Variants in SGMS1 observed in about 807,000 individuals in gnomAD.
SGMS1 encodes phosphatidylcholine:ceramide cholinephosphotransferase 1.
SGMS1 carries 13 observed loss-of-function variants against 46.2 expected under a neutral mutation model. The ratio of observed to expected loss-of-function variants is 0.28; its 90% CI spans 0.18 to 0.45. The LOEUF is 0.45. Ranked by LOEUF, SGMS1 falls within the 20% of genes least tolerant of loss-of-function variation. The pLI, the probability that SGMS1 is intolerant of heterozygous loss-of-function variation, is 1.00. For synonymous variants in SGMS1, 203 were observed against 187.8 expected, an observed-to-expected ratio of 1.08 and a Z score of -0.66; for missense variants, 324 against 519.9, an observed-to-expected ratio of 0.62 and a Z score of 3.66.
At chr10:50,310,392 G>A (rs778203677) in intron 9 of SGMS1, among the ~76,000 whole-genome samples, 6 of 152,206 alleles carry the variant, frequency 3.9e-5, no homozygotes, top group Non-Finnish European at 7.3e-5. Context: ...GAATAAATAT[G>A]TGTAGTTCAT....
intron 6 of SGMS1, among the ~76,000 whole-genome samples, chr10:50,350,152 G>C (rs1190944382): frequency 6.6e-6 from 1 of 152,186 alleles, no homozygotes; most frequent in African/African-American, 2.4e-5. Flanking sequence ...TGGAGCAAAG[G>C]TACTCTTGTT....
chr10:50,404,522 G>A (rs986898654), intron 6 of SGMS1, among the ~76,000 whole-genome samples: 2 of 152,046 alleles, frequency 1.3e-5, no homozygotes, highest in Admixed American at 6.6e-5. Context: ...AGCATTGCTT[G>A]AGCCCACGAG....
chr10:50,480,482 T>C (rs1214544718), intron 3 of SGMS1, among the ~76,000 whole-genome samples: 4 of 151,774 alleles, frequency 2.6e-5, no homozygotes, highest in African/African-American at 7.3e-5. Context: ...TGGTGTACCA[T>C]GGAGAGTGAG....
At chr10:50,489,419 A>C (rs1370629269) in intron 3 of SGMS1, among the ~76,000 whole-genome samples, 1 of 152,220 alleles carries the variant, frequency 6.6e-6, no homozygotes, top group Non-Finnish European at 1.5e-5. Flanking sequence ...AATATATGTG[A>C]TATTATTCGA....
intron 2 of SGMS1, among the ~76,000 whole-genome samples, chr10:50,560,057 A>G (rs551844343): frequency 2.3e-5 from 3 of 130,974 alleles, no homozygotes; most frequent in Non-Finnish European, 5.2e-5. Flanking sequence ...TATATAAAAT[A>G]TAAATAATAT....
At chr10:50,540,389 G>A (rs1448429832) in intron 2 of SGMS1, among the ~76,000 whole-genome samples, 2 of 152,136 alleles carry the variant, frequency 1.3e-5, no homozygotes, top group African/African-American at 4.8e-5. Context: ...CCAACTCTCA[G>A]AGTATTTAGC....
intron 3 of SGMS1, among the ~76,000 whole-genome samples, chr10:50,481,478 A>G (rs1301161530): frequency 1.3e-5 from 2 of 152,222 alleles, no homozygotes; most frequent in Non-Finnish European, 2.9e-5. Context: ...ACAAACCAAC[A>G]GAAAGCAACA....
chr10:50,355,411 A>T (rs992169652), intron 6 of SGMS1, among the ~76,000 whole-genome samples: 3 of 152,000 alleles, frequency 2.0e-5, no homozygotes, highest in African/African-American at 4.8e-5. Context: ...GGTGCCTGGG[A>T]TTGCAGGCGC....
intron 1 of SGMS1, among the ~76,000 whole-genome samples, chr10:50,603,312 G>A (rs1564442327): frequency 6.6e-6 from 1 of 152,184 alleles, no homozygotes; most frequent in Non-Finnish European, 1.5e-5. Flanking sequence ...CGGAGCCCAG[G>A]CTGCGCACCA....
chr10:50,334,438 A>G (rs1847681032), intron 7 of SGMS1: 1 of 152,126 alleles, frequency 6.6e-6, no homozygotes, highest in Non-Finnish European at 1.5e-5. Context: ...TCTTCCCATC[A>G]TCAAAACTTA....
chr10:50,556,999 C>A (rs566730473), intron 2 of SGMS1, among the ~76,000 whole-genome samples: 1 of 152,058 alleles, frequency 6.6e-6, no homozygotes, highest in Non-Finnish European at 1.5e-5. Context: ...TCCTGTCTGC[C>A]GCCAAGGGTG....
intron 6 of SGMS1, among the ~76,000 whole-genome samples, chr10:50,347,176 G>A (rs1164597324): frequency 6.6e-6 from 1 of 152,218 alleles, no homozygotes; most frequent in African/African-American, 2.4e-5. Context: ...ACGAGTGAAT[G>A]TGAAGTAGCT....
chr10:50,485,425 T>C (rs1315753171), intron 3 of SGMS1, among the ~76,000 whole-genome samples: 1 of 152,248 alleles, frequency 6.6e-6, no homozygotes, highest in Non-Finnish European at 1.5e-5. Context: ...AATCATTCCA[T>C]GCTCATGGAT....
rs1297384513 is a variant in SGMS1 at position 50,527,086 on chromosome 10, A to AAAAG, written c.-588-7169_-588-7166dup. On this transcript the variant is annotated intron_variant, in intron 2 of 10. Coordinates refer to ENST00000361781, the MANE Select transcript of SGMS1 (RefSeq NM_147156.4). ...CTCAAAAAAAAAAAAAAAAAAAAAA[A>AAAAG]AAAGAAAGAAAGAAAAGAAAAAGAA... Among the ~76,000 whole-genome samples the AAAAG allele has an allele frequency of 3.4e-3, 489 of 144,546 alleles. 2 individuals are homozygous for AAAAG. Among genetic ancestry groups the AAAAG allele is most frequent in the African/African-American group, 0.013 (470 of 36,338 alleles). The allele number at this position is 144,546 out of a possible 152,430, so 94.8% of individuals were successfully genotyped here. A position where few individuals can be genotyped will look rare whatever the true frequency, so the allele number is the denominator to read the frequency against.
chr10:50,360,226 C>T (rs1848225058), intron 6 of SGMS1, among the ~76,000 whole-genome samples: 1 of 152,110 alleles, frequency 6.6e-6, no homozygotes, highest in Non-Finnish European at 1.5e-5. Context: ...GCGTACAAGC[C>T]AAACCACCAA....
chr10:50,469,871 C>T (rs1226593759), intron 3 of SGMS1, among the ~76,000 whole-genome samples: 2 of 152,196 alleles, frequency 1.3e-5, no homozygotes, highest in Non-Finnish European at 2.9e-5. Flanking sequence ...TTAAAGTTCA[C>T]AAAATTCTGC....
intron 9 of SGMS1, among the ~76,000 whole-genome samples, chr10:50,309,495 A>T (rs1847224380): frequency 6.6e-6 from 1 of 152,168 alleles, no homozygotes; most frequent in Admixed American, 6.5e-5. Flanking sequence ...GTCAAGATGG[A>T]TAAGCCTTGA....
chr10:50,614,026 C>T (rs1327806825), intron 1 of SGMS1, among the ~76,000 whole-genome samples: 4 of 152,100 alleles, frequency 2.6e-5, no homozygotes, highest in Non-Finnish European at 5.9e-5. Flanking sequence ...TGCCTCTCCA[C>T]TGTCAGGTTA....
chr10:50,551,584 T>C (rs1804619165), intron 2 of SGMS1, among the ~76,000 whole-genome samples: 2 of 152,116 alleles, frequency 1.3e-5, no homozygotes, highest in African/African-American at 2.4e-5. Flanking sequence ...TTCATATCGA[T>C]ATAAGATATT....
Sources: gnomAD v4.1 joint callset for allele counts (sites outside exome capture counted in the v4.1 genomes callset) on GRCh38, gnomAD v4.1.1 for gene constraint, MANE v1.5 for transcripts, NCBI Gene and HGNC (gene_info 2026-07-23, HGNC 2026-07-21) for gene names.